Variants in ABCB8 observed in about 807,000 individuals in gnomAD.
ABCB8 encodes the protein mitochondrial potassium channel ATP-binding subunit.
ABCB8 carries 52 observed loss-of-function variants against 73.0 expected under a neutral mutation model. The observed-to-expected ratio is 0.71, with a 90% CI of 0.57 to 0.90. The LOEUF is 0.90. Ranked by LOEUF, ABCB8 falls within the 40% of genes least tolerant of loss-of-function variation. The pLI, the probability that ABCB8 is intolerant of heterozygous loss-of-function variation, is 0.00. For synonymous variants in ABCB8, 428 were observed against 423.5 expected (o/e 1.01, Z -0.13); for missense variants, 909 against 974.6 (o/e 0.93, Z 0.90).
chr7:151,030,456 A>C (rs998843496), intron 1 of ABCB8, among the ~76,000 whole-genome samples: 1 of 151,820 alleles, frequency 6.6e-6, no homozygotes, highest in Non-Finnish European at 1.5e-5. Flanking sequence ...CAGAGGTTGC[A>C]GTGAGCCGAG....
chr7:151,042,173 A>C (rs1445802142), intron 14 of ABCB8, 65 bp downstream of exon 14: 1 of 1,596,066 alleles, frequency 6.3e-7, no homozygotes, highest in African/African-American at 1.3e-5. Flanking sequence ...CCACAGGAGC[A>C]GTGAGCAGCC....
At chr7:151,035,079 T>C (rs1002769573) in intron 5 of ABCB8, among the ~76,000 whole-genome samples, 2 of 152,226 alleles carry the variant, frequency 1.3e-5, no homozygotes, top group Admixed American at 1.3e-4. Context: ...TGGAAAGCCT[T>C]CCCAAGCACT....
intron 9 of ABCB8, chr7:151,037,406 C>G (rs1386718133): frequency 1.4e-6 from 1 of 693,592 alleles, no homozygotes; most frequent in African/African-American, 1.8e-5. Flanking sequence ...ACCCTTATAG[C>G]TTATTGCTTT....
chr7:151,031,145 C>A, intron 1 of ABCB8: 1 of 775,940 alleles, frequency 1.3e-6, no homozygotes. Flanking sequence ...CTAATGAGGG[C>A]ATGCATGTGC....
intron 5 of ABCB8, 74 bp downstream of exon 5, chr7:151,034,903 C>A: frequency 1.5e-6 from 2 of 1,356,748 alleles, no homozygotes; most frequent in South Asian, 1.3e-5. Context: ...CAGCCCTGCC[C>A]GCCCCAGCCC....
Position 151,028,620 on chromosome 7 carries a change from G to A in ABCB8, c.95+10G>A. 1 of 1,612,248 alleles carries A rather than the reference G, an allele frequency of 6.2e-7. No individual in the cohort carries two copies. The highest frequency in any genetic ancestry group is 1.9e-4 in the Middle Eastern group (1 of 5,336). On this transcript the variant is annotated intron_variant, in intron 1 of 15. Transcript: ENST00000358849. ...CATTCTCAGCTGTCAGGTAAAAACGGAAAAACCTACTCAGAGCGGGCCATT... is the reference window on the plus strand; with the variant it reads ...CATTCTCAGCTGTCAGGTAAAAACGAAAAAACCTACTCAGAGCGGGCCATT...
At chr7:151,030,170 T>A (rs1584944154) in intron 1 of ABCB8, among the ~76,000 whole-genome samples, 1 of 152,242 alleles carries the variant, frequency 6.6e-6, no homozygotes, top group East Asian at 1.9e-4. Flanking sequence ...TGTTCATTAG[T>A]CAGTATTTTT....
Position 151,035,612 on chromosome 7 carries a change from G to A in ABCB8, c.797G>A (p.Cys266Tyr). Residue 266 changes from cysteine to tyrosine, a missense_variant, in exon 6 of 16, where the codon TGC becomes TAC. Cys to Tyr is a radical substitution (Grantham distance 194). Coordinates refer to ENST00000358849, the MANE Select transcript of ABCB8 (RefSeq NM_007188.5). ...GLRSCTQVAG[C>Y]LVSLSMLSTR... ...CGAAGCTGCACCCAGGTGGCAGGCT[G>A]CCTGGTGTCCCTGTCCATGCTGTCG... The A allele has an allele frequency of 1.2e-6, 2 of 1,603,304 alleles. No individual in the cohort carries two copies. The highest frequency in any genetic ancestry group is 1.3e-5 in the African/African-American group (1 of 74,876).
chr7:151,044,892 A>G (rs1223770996), intron 15 of ABCB8, among the ~76,000 whole-genome samples: 3 of 152,232 alleles, frequency 2.0e-5, no homozygotes, highest in Admixed American at 2.0e-4. Flanking sequence ...GGCGTTGGCT[A>G]ACAGCCACTC....
chr7:151,035,246 C>G (rs568483242), intron 5 of ABCB8, among the ~76,000 whole-genome samples: 112 of 152,340 alleles, frequency 7.4e-4, no homozygotes, highest in African/African-American at 2.5e-3. Context: ...CTGGATCATG[C>G]CACACACTGG....
intron 13 of ABCB8, 149 bp downstream of exon 13, chr7:151,041,381 G>A (rs937009719): frequency 1.7e-6 from 2 of 1,151,192 alleles, no homozygotes; most frequent in Non-Finnish European, 2.4e-6. Flanking sequence ...GTCCTCAGCT[G>A]TTGTCTGGGT....
intron 10 of ABCB8, 69 bp from the exon 11 acceptor site, chr7:151,040,429 C>T: frequency 3.8e-6 from 6 of 1,578,692 alleles, no homozygotes; most frequent in Non-Finnish European, 5.2e-6. Flanking sequence ...AGAGCCATGG[C>T]CACTCCCTGG....
In ABCB8 at chr7:151,046,853, A is replaced by T. The variant is rs1256375811; in HGVS notation, c.*1504A>T. On this transcript the variant is annotated 3_prime_UTR_variant, in exon 16 of 16. Coordinates refer to ENST00000358849, the MANE Select transcript of ABCB8 (RefSeq NM_007188.5). Reference sequence around the variant, plus strand: ...ACGGGCTCTTGTGGGTGTGGTTTAGAACTAGATGGTGCTTTGGGGACAAGC... The same window carrying T: ...ACGGGCTCTTGTGGGTGTGGTTTAGTACTAGATGGTGCTTTGGGGACAAGC... The T allele has an allele frequency of 6.6e-6, 1 of 152,146 alleles. No individual in the cohort carries two copies. Among genetic ancestry groups the T allele is most frequent in the Non-Finnish European group, 1.5e-5 (1 of 68,026 alleles). The allele number at this position is 152,146 out of a possible 1,614,324, so 9.4% of individuals were successfully genotyped here. A position where few individuals can be genotyped will look rare whatever the true frequency, so the allele number is the denominator to read the frequency against.
chr7:151,045,318 A>G lies in ABCB8; in HGVS notation c.2126A>G (p.Glu709Gly). 1 of 1,595,566 alleles carries G rather than the reference A, an allele frequency of 6.3e-7. No individual in the cohort carries two copies. Among genetic ancestry groups the G allele is most frequent in the East Asian group, 2.3e-5 (1 of 43,008 alleles). The change falls in exon 16 of 16, where the codon GAA becomes GGA. Residue 709 changes from glutamate to glycine, a missense_variant. Transcript: ENST00000358849. ...GCGGCCCCACCGCCCAAAAAGCCAG[A>G]AGGCCCCAGGAGCCACCAGCACAAG... ...RTAAPPPKKPEGPRSHQHKS is the reference protein window; with the variant it reads ...RTAAPPPKKPGGPRSHQHKS
chr7:151,045,241 C>G lies in ABCB8; in HGVS notation c.2049C>G (p.Gly683=), dbSNP rs144165657. ...AGTHEELLKK[G]GLYAELIRRQ... ...CACATGAAGAGCTCCTGAAGAAAGG[C>G]GGGCTATACGCCGAGCTCATCCGGA... is the stretch of plus-strand genomic sequence containing the variant. Residue 683 remains glycine (G), a synonymous_variant, in exon 16 of 16, where the codon GGC becomes GGG. Transcript: ENST00000358849. 5.6e-6 allele frequency: 9 copies of G among 1,593,716 alleles called. No individual in the cohort carries two copies. In the South Asian group the frequency reaches 9.0e-5, roughly 16 times the overall value.
chr7:151,028,751 C>A (rs1298328583), intron 1 of ABCB8, 141 bp downstream of exon 1: 1 of 1,534,704 alleles, frequency 6.5e-7, no homozygotes, highest in East Asian at 2.4e-5. Context: ...GAATGTCACT[C>A]CGCGGGTGTT....
chr7:151,045,372 C>A lies in ABCB8; in HGVS notation c.*23C>A. ...TGAGAAGGGCCCCCTGAGGTGTGGT[C>A]GCTGCCAAGCATCAGTGTTAGGGCT... On this transcript the variant is annotated 3_prime_UTR_variant, in exon 16 of 16. Coordinates refer to ENST00000358849, the MANE Select transcript of ABCB8 (RefSeq NM_007188.5). The A allele has an allele frequency of 6.7e-7, 1 of 1,502,494 alleles. No homozygotes were observed. The highest frequency in any genetic ancestry group is 1.3e-5 in the South Asian group (1 of 76,100). The allele number at this position is 1,502,494 out of a possible 1,614,324, so 93.1% of individuals were successfully genotyped here. A position where few individuals can be genotyped will look rare whatever the true frequency, so the allele number is the denominator to read the frequency against.
chr7:151,028,879 C>G (rs1441975752), intron 1 of ABCB8: 3 of 1,515,124 alleles, frequency 2.0e-6, no homozygotes, highest in Admixed American at 3.6e-5. Context: ...AGTCCGCACT[C>G]CCGACCGGGG....
At chr7:151,034,672 G>GA in intron 4 of ABCB8, 52 bp from the exon 5 acceptor site, 1 of 1,609,842 alleles carries the variant, frequency 6.2e-7, no homozygotes, top group East Asian at 2.2e-5. Context: ...ACCTTATCCT[G>GA]AAGTAATGTC....
Sources: gnomAD v4.1 joint callset for allele counts (sites outside exome capture counted in the v4.1 genomes callset) on GRCh38, gnomAD v4.1.1 for gene constraint, MANE v1.5 for transcripts, NCBI Gene and HGNC (gene_info 2026-07-23, HGNC 2026-07-21) for gene names.